The following TENM4 variants were observed in gnomAD, a reference collection of about 807,000 sequenced individuals.
TENM4 encodes the protein teneurin-4.
In TENM4, 82 loss-of-function variants were observed where a neutral mutation model predicts 243.3. That is an observed-to-expected ratio of 0.34 (90% CI 0.28 to 0.40). TENM4 has a LOEUF of 0.40. Ranked by LOEUF, TENM4 falls within the 10% of genes least tolerant of loss-of-function variation. The pLI, the probability that TENM4 is intolerant of heterozygous loss-of-function variation, is 1.00. For missense variants in TENM4, 3,138 were observed against 3,673.3 expected (o/e 0.85, Z 3.77); for synonymous variants, 1,412 against 1,456.3 (o/e 0.97, Z 0.69).
intron 19 of TENM4, among the ~76,000 whole-genome samples, chr11:78,745,287 C>T (rs561095284): frequency 2.4e-4 from 34 of 143,332 alleles, no homozygotes; most frequent in African/African-American, 8.1e-4. Context: ...AGTACAGTGG[C>T]GTGATCTCGG....
rs1005079336 is a variant in TENM4 at position 78,990,027 on chromosome 11, A to G, written c.493+74711T>C. Among the ~76,000 whole-genome samples the G allele has an allele frequency of 4.6e-5, 7 of 151,616 alleles. No homozygotes were observed. In the South Asian group the frequency reaches 1.3e-3, roughly 27 times the overall value. On this transcript the variant is annotated intron_variant, in intron 6 of 33. Transcript: ENST00000278550. The stretch of plus-strand genomic sequence containing the variant: ...CTGCTGTGAGCATGATTGCACCACC[A>G]TACTCCAGCCTGGGTGACAGGAGTG...
chr11:79,123,856 A>T (rs1358708506), intron 4 of TENM4, among the ~76,000 whole-genome samples: 5 of 152,284 alleles, frequency 3.3e-5, no homozygotes, highest in Admixed American at 2.6e-4. Flanking sequence ...TAGCACCCTT[A>T]CTGCAGGCCT....
At chr11:78,875,256 T>C (rs970047333) in intron 9 of TENM4, among the ~76,000 whole-genome samples, 7 of 151,952 alleles carry the variant, frequency 4.6e-5, no homozygotes, top group African/African-American at 4.8e-5. Context: ...TGAGACAGAG[T>C]CTCACTCTGT....
chr11:79,127,331 C>A (rs191973570), intron 4 of TENM4, among the ~76,000 whole-genome samples: 198 of 151,964 alleles, frequency 1.3e-3, no homozygotes, highest in African/African-American at 4.5e-3. Flanking sequence ...CATTCCTGTT[C>A]AACTCTCTCA....
intron 6 of TENM4, among the ~76,000 whole-genome samples, chr11:79,062,450 G>A (rs1437490787): frequency 2.0e-5 from 3 of 152,194 alleles, no homozygotes; most frequent in Non-Finnish European, 2.9e-5. Context: ...GAATAAAAGA[G>A]TTCTGTGGTC....
At chr11:79,264,659 C>T (rs373545473) in intron 2 of TENM4, among the ~76,000 whole-genome samples, 22 of 152,270 alleles carry the variant, frequency 1.4e-4, no homozygotes, top group East Asian at 9.7e-4. Flanking sequence ...ATCTCTGGGC[C>T]GTGGTTTCCC....
At chr11:79,334,884 G>A (rs1857123084) in intron 1 of TENM4, among the ~76,000 whole-genome samples, 1 of 152,104 alleles carries the variant, frequency 6.6e-6, no homozygotes, top group Non-Finnish European at 1.5e-5. Context: ...GTTTGGATTA[G>A]TCAGTGATGT....
At chr11:78,946,441 G>A (rs1248869333) in intron 6 of TENM4, among the ~76,000 whole-genome samples, 2 of 152,238 alleles carry the variant, frequency 1.3e-5, no homozygotes, top group Non-Finnish European at 2.9e-5. Flanking sequence ...TACTGACAAT[G>A]TACCTGGTCA....
At position 78,786,884 on chromosome 11, in the gene TENM4, T is replaced by A; in HGVS notation, c.2365+14A>T. 6.3e-7 allele frequency: 1 copy of A among 1,589,236 alleles called. No individual in the cohort carries two copies. The highest frequency in any genetic ancestry group is 8.6e-7 in the Non-Finnish European group (1 of 1,169,150). ...AGACCAGAGAAGGTACCCGGGGACCTCGGCCCGCCATACCGATGGTGCAGT... is the reference window on the plus strand; with the variant it reads ...AGACCAGAGAAGGTACCCGGGGACCACGGCCCGCCATACCGATGGTGCAGT... On this transcript the variant is annotated intron_variant, in intron 16 of 33. Coordinates refer to ENST00000278550, the MANE Select transcript of TENM4 (RefSeq NM_001098816.3).
intron 6 of TENM4, among the ~76,000 whole-genome samples, chr11:79,037,037 A>AAAAAAG (rs1859405144): frequency 2.9e-5 from 3 of 104,318 alleles, no homozygotes; most frequent in African/African-American, 4.4e-5. Flanking sequence ...AAAAAAAAAA[A>AAAAAAG]AAAAAAAAGA....
intron 1 of TENM4, among the ~76,000 whole-genome samples, chr11:79,411,104 A>G (rs1205938510): frequency 6.6e-6 from 1 of 152,178 alleles, no homozygotes; most frequent in African/African-American, 2.4e-5. Context: ...CATTTCACAG[A>G]TAGGAAAAGT....
At chr11:79,305,414 G>T (rs1856610445) in intron 1 of TENM4, among the ~76,000 whole-genome samples, 1 of 151,898 alleles carries the variant, frequency 6.6e-6, no homozygotes, top group Non-Finnish European at 1.5e-5. Context: ...GCACTAAAAA[G>T]GTCCAAAGTG....
At chr11:79,302,270 T>A (rs968680021) in intron 1 of TENM4, among the ~76,000 whole-genome samples, 1 of 152,234 alleles carries the variant, frequency 6.6e-6, no homozygotes, top group Non-Finnish European at 1.5e-5. Flanking sequence ...GTGCAGGGTC[T>A]AATTTAAGCC....
intron 3 of TENM4, among the ~76,000 whole-genome samples, chr11:79,171,814 T>C (rs1863051355): frequency 6.6e-6 from 1 of 152,208 alleles, no homozygotes; most frequent in Non-Finnish European, 1.5e-5. Flanking sequence ...TGATTGACAT[T>C]TTCCATTTAC....
intron 4 of TENM4, among the ~76,000 whole-genome samples, chr11:79,100,361 G>A (rs1359356814): frequency 2.0e-5 from 3 of 151,996 alleles, no homozygotes; most frequent in African/African-American, 4.8e-5. Flanking sequence ...AGTGGACCTC[G>A]TTTCAGGGAT....
chr11:78,697,734 T>C (rs890984186), intron 28 of TENM4, among the ~76,000 whole-genome samples: 1 of 152,184 alleles, frequency 6.6e-6, no homozygotes, highest in Non-Finnish European at 1.5e-5. Flanking sequence ...AGCATAATTA[T>C]AATAGGAGTT....
chr11:78,786,046 C>A (rs181041743), intron 16 of TENM4, among the ~76,000 whole-genome samples: 1 of 152,142 alleles, frequency 6.6e-6, no homozygotes, highest in South Asian at 2.1e-4. Context: ...ATACACAAAC[C>A]GGTTGATTCA....
chr11:78,746,641 A>C (rs1856058660), intron 19 of TENM4, among the ~76,000 whole-genome samples: 1 of 152,256 alleles, frequency 6.6e-6, no homozygotes, highest in South Asian at 2.1e-4. Flanking sequence ...AGGGAGAAGC[A>C]GGACTGAGAC....
At chr11:78,873,740 C>T (rs753106536) in intron 9 of TENM4, among the ~76,000 whole-genome samples, 13 of 152,168 alleles carry the variant, frequency 8.5e-5, no homozygotes, top group Non-Finnish European at 1.3e-4. Context: ...CTCTTCAGAA[C>T]AGAAAGGATG....
Sources: gnomAD v4.1 joint callset for allele counts (sites outside exome capture counted in the v4.1 genomes callset) on GRCh38, gnomAD v4.1.1 for gene constraint, MANE v1.5 for transcripts, NCBI Gene and HGNC (gene_info 2026-07-23, HGNC 2026-07-21) for gene names.